TMEM132B: variants seen among roughly 807,000 people sequenced by gnomAD.
TMEM132B encodes transmembrane protein 132B.
In TMEM132B, 18 loss-of-function variants were observed where a neutral mutation model predicts 90.8. The observed-to-expected ratio is 0.20, with a 90% confidence interval of 0.14 to 0.29. The LOEUF (loss-of-function observed/expected upper bound fraction) is 0.29. Among genes scored for constraint, TMEM132B ranks in the 10% least tolerant of loss-of-function variants. TMEM132B has a pLI of 1.00. For missense variants in TMEM132B, 1,096 were observed against 1,326.8 expected (o/e 0.83, Z 2.70); for synonymous variants, 504 against 523.3 (o/e 0.96, Z 0.50).
chr12:125,357,904 C>T (rs910365423), intron 2 of TMEM132B, among the ~76,000 whole-genome samples: 2 of 152,222 alleles, frequency 1.3e-5, no homozygotes, highest in African/African-American at 4.8e-5. Context: ...TAGTTGCACC[C>T]CAGGCATTAC....
Position 125,427,282 on chromosome 12 carries a change from G to A in TMEM132B, c.1106+11605G>A, listed in dbSNP as rs73428707. ...GATGCAACATTTATTGGGCACTACT[G>A]TGTGCCAGGTCCTATGCTCTATATT... On this transcript the variant is annotated intron_variant, in intron 3 of 8. Transcript: ENST00000682704. 7.7e-3 allele frequency among the ~76,000 whole-genome samples: 1,170 copies of A among 152,292 alleles called. 15 individuals carry two copies. Among genetic ancestry groups the A allele is most frequent in the African/African-American group, 0.027 (1,116 of 41,554 alleles).
intron 1 of TMEM132B, among the ~76,000 whole-genome samples, chr12:125,198,748 A>T (rs1872984620): frequency 1.3e-5 from 2 of 152,214 alleles, no homozygotes; most frequent in African/African-American, 2.4e-5. Flanking sequence ...ACCACCAAGT[A>T]GGGTGGTGAG....
intron 2 of TMEM132B, among the ~76,000 whole-genome samples, chr12:125,375,552 T>G (rs1676852201): frequency 6.6e-6 from 1 of 152,226 alleles, no homozygotes. Context: ...AGGATTCAGA[T>G]ATGTGATGTC....
In TMEM132B at chr12:125,462,092, A is replaced by C. The variant is rs368448303; in HGVS notation, c.1106+46415A>C. 4.6e-5 allele frequency among the ~76,000 whole-genome samples: 7 copies of C among 152,214 alleles called. No individual in the cohort carries two copies. In the East Asian group the frequency reaches 1.3e-3, roughly 29 times the overall value. ...TGGGATTGCAATGGCAGTCAACTCC[A>C]TCTGAAGCACGTGGACTAAAAGTGT... On this transcript the variant is annotated intron_variant, in intron 3 of 8. Coordinates refer to ENST00000682704, the MANE Select transcript of TMEM132B (RefSeq NM_001366854.1).
At chr12:125,568,136 T>A (rs1884705023) in intron 4 of TMEM132B, among the ~76,000 whole-genome samples, 1 of 152,226 alleles carries the variant, frequency 6.6e-6, no homozygotes, top group African/African-American at 2.4e-5. Flanking sequence ...ATGTGTGTTT[T>A]GTCTTCTGTC....
chr12:125,469,695 T>C (rs940392211), intron 3 of TMEM132B, among the ~76,000 whole-genome samples: 2 of 152,210 alleles, frequency 1.3e-5, no homozygotes, highest in Non-Finnish European at 2.9e-5. Flanking sequence ...TTTCATTTTG[T>C]GCCATTTCAG....
At chr12:125,650,525 A>C (rs1018504798) in intron 6 of TMEM132B, among the ~76,000 whole-genome samples, 158 bp from the exon 7 acceptor site, 1 of 152,208 alleles carries the variant, frequency 6.6e-6, no homozygotes, top group Non-Finnish European at 1.5e-5. Flanking sequence ...TTGTGGAATG[A>C]GTGAATGAAC....
chr12:125,456,525 C>A (rs1442536803), intron 3 of TMEM132B, among the ~76,000 whole-genome samples: 1 of 152,232 alleles, frequency 6.6e-6, no homozygotes, highest in Non-Finnish European at 1.5e-5. Flanking sequence ...CCTGCCTCCA[C>A]CCTCTGTGGG....
rs2136465767 is a variant in TMEM132B, at chr12:125,458,524, G to T, written c.1106+42847G>T. On this transcript the variant is annotated intron_variant, in intron 3 of 8. Transcript: ENST00000682704. The surrounding 1 kb of genome is among the most constrained non-coding windows in gnomAD (Gnocchi z 4.9). ...GGCCTTGCAGGTCCTGGGGAGCTGA[G>T]GGCTGCACAATTCTCAGAGCTCCCT... is the stretch of plus-strand genomic sequence containing the variant. Among the ~76,000 whole-genome samples, 1 of 152,260 alleles carries T rather than the reference G, an allele frequency of 6.6e-6. No individual in the cohort carries two copies. Among genetic ancestry groups the T allele is most frequent in the Non-Finnish European group, 1.5e-5 (1 of 68,012 alleles).
intron 2 of TMEM132B, among the ~76,000 whole-genome samples, chr12:125,365,133 CT>C (rs1043501882): frequency 2.9e-4 from 43 of 150,320 alleles, no homozygotes; most frequent in African/African-American, 6.3e-4. Flanking sequence ...TCTTTTCCTG[CT>C]TTTTTTTTGG....
intron 1 of TMEM132B, among the ~76,000 whole-genome samples, chr12:125,324,904 C>A (rs1362705053): frequency 1.3e-5 from 2 of 152,126 alleles, no homozygotes; most frequent in Middle Eastern, 3.2e-3. Flanking sequence ...ACGTGGCAAT[C>A]TCTTATTTTG....
chr12:125,229,033 G>A (rs929246185), intron 1 of TMEM132B, among the ~76,000 whole-genome samples: 1 of 152,174 alleles, frequency 6.6e-6, no homozygotes, highest in African/African-American at 2.4e-5. Context: ...CGCGGGCGAG[G>A]GAGACCTTGC....
intron 5 of TMEM132B, among the ~76,000 whole-genome samples, chr12:125,606,314 CTTTTTT>C (rs368313402): frequency 7.7e-6 from 1 of 129,622 alleles, no homozygotes; most frequent in Non-Finnish European, 1.7e-5. Context: ...GATTTCTTTC[CTTTTTT>C]TTTTTTTTTT....
At chr12:125,542,904 G>A (rs1371390953) in intron 4 of TMEM132B, among the ~76,000 whole-genome samples, 11 of 152,276 alleles carry the variant, frequency 7.2e-5, no homozygotes, top group South Asian at 2.1e-4. Flanking sequence ...CTAGACGAGC[G>A]TCAGCAATGT....
intron 6 of TMEM132B, among the ~76,000 whole-genome samples, chr12:125,647,480 A>G (rs1886795476): frequency 1.3e-5 from 2 of 152,242 alleles, no homozygotes; most frequent in Non-Finnish European, 2.9e-5. Flanking sequence ...AGGTTATACC[A>G]ATTTGAATGG....
chr12:125,323,377 AC>A (rs1212337028), intron 1 of TMEM132B, among the ~76,000 whole-genome samples: 1 of 152,138 alleles, frequency 6.6e-6, no homozygotes, highest in Non-Finnish European at 1.5e-5. Flanking sequence ...CGGAGGTTAC[AC>A]TGAACTGAGA....
At chr12:125,429,034 A>G (rs533923094) in intron 3 of TMEM132B, among the ~76,000 whole-genome samples, 13 of 152,308 alleles carry the variant, frequency 8.5e-5, no homozygotes, top group Admixed American at 7.8e-4. Flanking sequence ...AAAATTGGGC[A>G]TATACTACAG....
At chr12:125,472,899 T>C (rs1881761675) in intron 3 of TMEM132B, among the ~76,000 whole-genome samples, 1 of 152,166 alleles carries the variant, frequency 6.6e-6, no homozygotes, top group South Asian at 2.1e-4. Context: ...GCAAACAAAG[T>C]ATAGAAATGC....
intron 1 of TMEM132B, among the ~76,000 whole-genome samples, chr12:125,237,224 G>A (rs549233357): frequency 4.6e-5 from 7 of 152,224 alleles, no homozygotes; most frequent in South Asian, 2.1e-4. Flanking sequence ...GCATCCTGGG[G>A]CCGTCACCAG....
Sources: allele counts gnomAD v4.1 joint callset (sites outside exome capture counted in the v4.1 genomes callset), GRCh38; gene constraint gnomAD v4.1.1; non-coding constraint Gnocchi (gnomAD v3.1); transcripts MANE v1.5; gene names NCBI Gene and HGNC (gene_info 2026-07-23, HGNC 2026-07-21).